Variants in MRPL1 observed in about 807,000 individuals in gnomAD.
MRPL1 encodes the protein large ribosomal subunit protein uL1m.
Under a neutral mutation model 38.0 loss-of-function variants are expected in MRPL1, and 28 were observed. That is an observed-to-expected ratio of 0.74 (90% CI 0.55 to 1.01). MRPL1 has a LOEUF of 1.01. Among genes scored for constraint, MRPL1 ranks in the 50% least tolerant of loss-of-function variants. MRPL1 has a pLI of 0.00. For synonymous variants in MRPL1, 123 were observed against 126.7 expected (o/e 0.97, Z 0.20); for missense variants, 358 against 389.8 (o/e 0.92, Z 0.69).
At chr4:77,918,882 A>G (rs1371275570) in intron 7 of MRPL1, among the ~76,000 whole-genome samples, 1 of 152,204 alleles carries the variant, frequency 6.6e-6, no homozygotes, top group African/African-American at 2.4e-5. Context: ...CTAATTTAAG[A>G]TCAATTAGAA....
intron 8 of MRPL1, among the ~76,000 whole-genome samples, chr4:77,951,202 C>T (rs372713318): frequency 6.6e-5 from 10 of 152,210 alleles, no homozygotes; most frequent in Admixed American, 3.3e-4. Flanking sequence ...AGCCACTTAA[C>T]GTTGTTCTTA....
At chr4:77,876,350 A>G (rs956689188) in intron 2 of MRPL1, among the ~76,000 whole-genome samples, 3 of 152,170 alleles carry the variant, frequency 2.0e-5, no homozygotes, top group African/African-American at 7.2e-5. Flanking sequence ...CTCTGTAAAC[A>G]TAGTTATTTA....
At chr4:77,947,709 A>G (rs1737302123) in intron 7 of MRPL1, among the ~76,000 whole-genome samples, 2 of 152,226 alleles carry the variant, frequency 1.3e-5, no homozygotes, top group Non-Finnish European at 2.9e-5. Flanking sequence ...ACTCATGCAC[A>G]TATACATTTT....
chr4:77,939,806 C>T (rs1721793484), intron 7 of MRPL1, among the ~76,000 whole-genome samples: 1 of 152,172 alleles, frequency 6.6e-6, no homozygotes, highest in Non-Finnish European at 1.5e-5. Context: ...GGTGTCCTTT[C>T]TCCACTTTAT....
intron 6 of MRPL1, among the ~76,000 whole-genome samples, chr4:77,895,810 T>G (rs1210451796): frequency 6.6e-6 from 1 of 152,134 alleles, no homozygotes; most frequent in African/African-American, 2.4e-5. Context: ...CTGGCACTTT[T>G]TATTAGGGAT....
chr4:77,881,839 G>A (rs531491868), intron 2 of MRPL1, among the ~76,000 whole-genome samples: 43 of 152,248 alleles, frequency 2.8e-4, no homozygotes, highest in Non-Finnish European at 1.2e-4. Flanking sequence ...GAGAAGAAAG[G>A]GCGGGAACAG....
At chr4:77,928,272 T>C (rs1007873519) in intron 7 of MRPL1, among the ~76,000 whole-genome samples, 5 of 152,192 alleles carry the variant, frequency 3.3e-5, no homozygotes, top group African/African-American at 1.2e-4. Context: ...AAAGTGAATG[T>C]TCTGGAGTTC....
At chr4:77,918,681 T>A (rs1016799683) in intron 7 of MRPL1, among the ~76,000 whole-genome samples, 1 of 151,932 alleles carries the variant, frequency 6.6e-6, no homozygotes, top group Non-Finnish European at 1.5e-5. Flanking sequence ...GGGGAGAGAT[T>A]TGGGGAGAAA....
chr4:77,894,129 T>A lies in MRPL1; in HGVS notation c.559-10T>A, dbSNP rs980369229. The A allele has an allele frequency of 1.3e-6, 2 of 1,526,312 alleles. No individual in the cohort carries two copies. Among genetic ancestry groups the A allele is most frequent in the African/African-American group, 1.4e-5 (1 of 72,038 alleles). 94.5% of individuals were successfully genotyped at this position (1,526,312 alleles called of 1,614,324 possible). The stretch of plus-strand genomic sequence containing the variant: ...TCATCTGAGGTCACCTTTTTTTTTT[T>A]AATTTTCAGATTTGGGATGATGAAA... On this transcript the variant is annotated splice_polypyrimidine_tract_variant and intron_variant, in intron 5 of 8. Coordinates refer to ENST00000315567, the MANE Select transcript of MRPL1 (RefSeq NM_020236.4).
At chr4:77,942,773 G>A (rs1197127836) in intron 7 of MRPL1, among the ~76,000 whole-genome samples, 2 of 152,064 alleles carry the variant, frequency 1.3e-5, no homozygotes, top group Non-Finnish European at 2.9e-5. Flanking sequence ...GTCCTTATGT[G>A]TTAGGTGAGT....
In MRPL1 at chr4:77,867,088, C is replaced by G. The variant is rs544193027; in HGVS notation, c.31+4209C>G. The stretch of plus-strand genomic sequence containing the variant: ...AATGAGGCTTGTCTTAACCACTATA[C>G]TTAAAATTGCAAACCACTTTCCACT... On this transcript the variant is annotated intron_variant, in intron 1 of 8. Coordinates refer to ENST00000315567, the MANE Select transcript of MRPL1 (RefSeq NM_020236.4). Among the ~76,000 whole-genome samples the G allele has an allele frequency of 2.0e-5, 3 of 152,254 alleles. No homozygotes were observed. The East Asian group carries it at 5.8e-4, about 29-fold the overall frequency.
At position 77,883,638 on chromosome 4, in the gene MRPL1, T is replaced by TA. The variant is rs1735602079; in HGVS notation, c.402+139dup. On this transcript the variant is annotated intron_variant, in intron 3 of 8. Transcript: ENST00000315567. ...TGTTGCCCAGGCTGGAGTGCGGTGG[T>TA]ATGATCTCAGCTCACTGCAGACTCC... 5.9e-6 allele frequency: 5 copies of TA among 843,862 alleles called. No homozygotes were observed. In the South Asian group the frequency reaches 1.0e-4, roughly 18 times the overall value. The allele number at this position is 843,862 out of a possible 1,614,324, so 52.3% of individuals were successfully genotyped here.
chr4:77,910,254 C>G (rs980609617), intron 7 of MRPL1, among the ~76,000 whole-genome samples: 1 of 152,178 alleles, frequency 6.6e-6, no homozygotes, highest in Non-Finnish European at 1.5e-5. Flanking sequence ...GCAGTTTCCT[C>G]AAGTCCAGGC....
intron 7 of MRPL1, among the ~76,000 whole-genome samples, chr4:77,948,709 G>A (rs978930409): frequency 6.6e-6 from 1 of 151,478 alleles, no homozygotes; most frequent in African/African-American, 2.4e-5. Flanking sequence ...AACTTCAACT[G>A]TTGTACTGTA....
intron 2 of MRPL1, among the ~76,000 whole-genome samples, chr4:77,877,779 T>G (rs1735433471): frequency 6.6e-6 from 1 of 151,920 alleles, no homozygotes; most frequent in African/African-American, 2.4e-5. Context: ...TACTGGGCTC[T>G]GGACTATTTC....
At chr4:77,938,838 CT>C (rs1166553141) in intron 7 of MRPL1, among the ~76,000 whole-genome samples, 1 of 152,222 alleles carries the variant, frequency 6.6e-6, no homozygotes, top group African/African-American at 2.4e-5. Flanking sequence ...ATGTTTCCCA[CT>C]TTGGCCACTG....
intron 2 of MRPL1, among the ~76,000 whole-genome samples, chr4:77,882,456 C>G (rs892049000): frequency 3.9e-5 from 6 of 152,124 alleles, no homozygotes; most frequent in Admixed American, 1.3e-4. Context: ...CCAGAGAACC[C>G]CATGCCCATG....
intron 7 of MRPL1, among the ~76,000 whole-genome samples, chr4:77,921,113 TAAA>T (rs1736562110): frequency 6.6e-6 from 1 of 152,196 alleles, no homozygotes; most frequent in African/African-American, 2.4e-5. Context: ...TAGTAAAAGT[TAAA>T]AAACTTTTCA....
chr4:77,914,637 C>T (rs139318535), intron 7 of MRPL1, among the ~76,000 whole-genome samples: 1 of 152,056 alleles, frequency 6.6e-6, no homozygotes, highest in African/African-American at 2.4e-5. Context: ...AATGATTTTA[C>T]AGCAATTTAA....
Sources: allele counts gnomAD v4.1 joint callset (sites outside exome capture counted in the v4.1 genomes callset), GRCh38; gene constraint gnomAD v4.1.1; transcripts MANE v1.5; gene names NCBI Gene and HGNC (gene_info 2026-07-23, HGNC 2026-07-21).